HSF2: variants seen among roughly 807,000 people sequenced by gnomAD.
HSF2 encodes heat shock transcription factor 2, also known as heat shock factor protein 2.
In HSF2, 21 loss-of-function variants were observed where a neutral mutation model predicts 65.0. The ratio of observed to expected loss-of-function variants is 0.32; its 90% CI spans 0.23 to 0.47. The LOEUF is 0.47. Among genes scored for constraint, HSF2 ranks in the 20% least tolerant of loss-of-function variants. The pLI is 1.00. For synonymous variants in HSF2, 225 were observed against 219.1 expected, an observed-to-expected ratio of 1.03 and a Z score of -0.24; for missense variants, 499 against 628.1, an observed-to-expected ratio of 0.79 and a Z score of 2.20.
intron 1 of HSF2, among the ~76,000 whole-genome samples, chr6:122,402,817 GT>G (rs763356569): frequency 4.6e-5 from 7 of 152,122 alleles, no homozygotes; most frequent in Non-Finnish European, 1.0e-4. Flanking sequence ...CTCCCAAAGT[GT>G]TGAGATTACA....
chr6:122,403,148 C>G (rs1773779804), intron 1 of HSF2, among the ~76,000 whole-genome samples: 1 of 152,160 alleles, frequency 6.6e-6, no homozygotes, highest in Admixed American at 6.5e-5. Flanking sequence ...ACGTACATAA[C>G]TTTAATTTTC....
chr6:122,422,416 TA>T (rs2114447880), intron 8 of HSF2, 118 bp downstream of exon 8: 1 of 859,412 alleles, frequency 1.2e-6, no homozygotes, highest in East Asian at 2.4e-5. Context: ...TTTGGATTAT[TA>T]AACTTGATAA....
rs1774467750 is a variant in HSF2 at position 122,431,514 on chromosome 6, G to A, written c.1315G>A (p.Asp439Asn). 4 of 1,540,316 alleles carry A rather than the reference G, an allele frequency of 2.6e-6. No homozygotes were observed. In the East Asian group the frequency reaches 9.1e-5, roughly 35 times the overall value. ...EEGRKSKSKP[D>N]KQLIQYTAFP... ...GGGAAGAAAATCTAAATCCAAACCA[G>A]GTAGGTATAAATATAGTATTCAGTC... The change falls in exon 12 of 13, where the codon GAT becomes AAT. Residue 439 changes from aspartate to asparagine, a missense_variant and splice_region_variant. Coordinates refer to ENST00000368455, the MANE Select transcript of HSF2 (RefSeq NM_004506.4).
At position 122,420,228 on chromosome 6, in the gene HSF2, T is replaced by A; in HGVS notation, c.681+6T>A. The stretch of plus-strand genomic sequence containing the variant: ...CTGATAATCATCATCATAAAGTAAT[T>A]TTTTAGTTAGGGTCTATTTTATATT... On this transcript the variant is annotated splice_donor_region_variant and intron_variant, in intron 7 of 12. Coordinates refer to ENST00000368455, the MANE Select transcript of HSF2 (RefSeq NM_004506.4). 1.3e-6 allele frequency: 2 copies of A among 1,582,694 alleles called. No homozygotes were observed. Among genetic ancestry groups the A allele is most frequent in the Non-Finnish European group, 1.7e-6 (2 of 1,156,050 alleles).
chr6:122,431,432 T>C lies in HSF2; in HGVS notation c.1233T>C (p.Ser411=), dbSNP rs772580132. The change falls in exon 12 of 13, where the codon TCT becomes TCC. Residue 411 remains serine (S), a splice_region_variant and synonymous_variant. Coordinates refer to ENST00000368455, the MANE Select transcript of HSF2 (RefSeq NM_004506.4). ...NPTDYINNTK[S]ENKGLETTKN... ...ATATATATATTTTTTTCTTTTAGTC[T>C]GAGAATAAAGGATTAGAAACTACCA... 2 of 1,489,424 alleles carry C rather than the reference T, an allele frequency of 1.3e-6. No homozygotes were observed. The highest frequency in any genetic ancestry group is 2.1e-5 in the Admixed American group (1 of 48,022). 92.3% of individuals were successfully genotyped at this position (1,489,424 alleles called of 1,614,324 possible).
intron 10 of HSF2, among the ~76,000 whole-genome samples, 184 bp downstream of exon 10, chr6:122,423,870 A>G (rs2114449810): frequency 6.6e-6 from 1 of 152,240 alleles, no homozygotes; most frequent in East Asian, 1.9e-4. Flanking sequence ...GAGTATGATT[A>G]CCACCTGCCT....
chr6:122,416,433 A>G (rs993816166), intron 5 of HSF2, 137 bp downstream of exon 5: 3 of 500,612 alleles, frequency 6.0e-6, no homozygotes, highest in African/African-American at 5.9e-5. Flanking sequence ...GAAGTAAAAA[A>G]TGAAATGAAA....
Position 122,432,206 on chromosome 6 carries a change from C to G in HSF2, c.1597C>G (p.Leu533Val), listed in dbSNP as rs751696389. The G allele has an allele frequency of 1.2e-5, 19 of 1,610,476 alleles. No homozygotes were observed. In the Admixed American group the frequency reaches 3.2e-4, roughly 27 times the overall value. The change falls in exon 13 of 13, where the codon CTT (leucine) becomes GTT (valine). Residue 533 changes from leucine to valine, a missense_variant. By Grantham distance (32) the Leu-to-Val change is conservative (BLOSUM62 1). Transcript: ENST00000368455. ...TGCACCTCTGGATAGTGATATGCCACTTTTAGATAGCTAAATCCCCAGGAA... is the reference window on the plus strand; with the variant it reads ...TGCACCTCTGGATAGTGATATGCCAGTTTTAGATAGCTAAATCCCCAGGAA... The part of the protein sequence containing the change: ...APAPLDSDMP[L>V]LDS
chr6:122,428,069 C>T lies in HSF2; in HGVS notation c.1230+113C>T. On this transcript the variant is annotated intron_variant, in intron 11 of 12. Transcript: ENST00000368455. ...CCACAAAAAGCATTTTATATTCTTA[C>T]CCAGTATGTGTGATCAAGATAATAA... 5.0e-6 allele frequency: 3 copies of T among 601,270 alleles called. No individual in the cohort carries two copies. In the South Asian group the frequency reaches 7.4e-5, roughly 15 times the overall value. The allele number at this position is 601,270 out of a possible 1,614,324, so 37.2% of individuals were successfully genotyped here.
At chr6:122,431,552 T>A in intron 12 of HSF2, 38 bp downstream of exon 12, 1 of 1,183,842 alleles carries the variant, frequency 8.4e-7, no homozygotes, top group Non-Finnish European at 1.2e-6. Context: ...TGTAGGTTTT[T>A]TTAATCCTAT....
chr6:122,425,127 G>A (rs1774312791), intron 10 of HSF2, among the ~76,000 whole-genome samples: 1 of 151,878 alleles, frequency 6.6e-6, no homozygotes, highest in Non-Finnish European at 1.5e-5. Flanking sequence ...TTAGAGATCT[G>A]CTCCATCTTA....
intron 10 of HSF2, among the ~76,000 whole-genome samples, chr6:122,424,843 C>G (rs182272378): frequency 6.6e-6 from 1 of 151,942 alleles, no homozygotes; most frequent in Non-Finnish European, 1.5e-5. Context: ...TAATTCTGGC[C>G]ATGTTCAAAT....
chr6:122,432,897 T>C lies in HSF2; in HGVS notation c.*677T>C, dbSNP rs1257690666. 8 of 152,174 alleles carry C rather than the reference T, an allele frequency of 5.3e-5. No homozygotes were observed. Among genetic ancestry groups the C allele is most frequent in the Non-Finnish European group, 1.0e-4 (7 of 68,052 alleles). The allele number at this position is 152,174 out of a possible 1,614,324, so 9.4% of individuals were successfully genotyped here. Reference sequence around the variant, plus strand: ...TAGTTGGACTAGTTTTAAATAAAGGTTTTCCGGTTTGTGTTTTTTTGAACC... The same window carrying C: ...TAGTTGGACTAGTTTTAAATAAAGGCTTTCCGGTTTGTGTTTTTTTGAACC... On this transcript the variant is annotated 3_prime_UTR_variant, in exon 13 of 13. Transcript: ENST00000368455.
At chr6:122,412,262 C>G in intron 1 of HSF2, 111 bp from the exon 2 acceptor site, 1 of 671,788 alleles carries the variant, frequency 1.5e-6, no homozygotes, top group South Asian at 1.8e-5. Context: ...GGTCTGAAGA[C>G]ATCAAGGAGG....
intron 1 of HSF2, among the ~76,000 whole-genome samples, chr6:122,409,270 AT>A (rs1773935875): frequency 6.6e-6 from 1 of 151,942 alleles, no homozygotes; most frequent in Non-Finnish European, 1.5e-5. Flanking sequence ...TAAGGAGGAG[AT>A]TGTTAGTTGT....
At chr6:122,430,290 G>C (rs368695635) in intron 11 of HSF2, among the ~76,000 whole-genome samples, 73 of 152,210 alleles carry the variant, frequency 4.8e-4, no homozygotes, top group South Asian at 3.9e-3. Flanking sequence ...TAGTTTATTC[G>C]TGTAGAGGTG....
rs1562203178 is a variant in HSF2 at position 122,419,248 on chromosome 6, GTAT to G, written c.593+23_593+25del. The G allele has an allele frequency of 2.3e-6, 3 of 1,302,816 alleles. No individual in the cohort carries two copies. The highest frequency in any genetic ancestry group is 1.7e-5 in the Admixed American group (1 of 57,358). The allele number at this position is 1,302,816 out of a possible 1,614,324, so 80.7% of individuals were successfully genotyped here. On this transcript the variant is annotated intron_variant, in intron 6 of 12. Coordinates refer to ENST00000368455, the MANE Select transcript of HSF2 (RefSeq NM_004506.4). ...GTAAAAGGTAAGTTTTTATGATAAA[GTAT>G]TATGTCCTGTATATAGGCAGTCACA...
upstream of HSF2, chr6:122,399,615 G>C (rs939059574): frequency 4.0e-6 from 3 of 752,216 alleles, no homozygotes; most frequent in African/African-American, 1.8e-5. Flanking sequence ...GGGTTGGGGG[G>C]GCGGGGACCA....
At position 122,419,131 on chromosome 6, in the gene HSF2, A is replaced by G. The variant is rs776387421; in HGVS notation, c.532-37A>G. 5.2e-6 allele frequency: 5 copies of G among 952,650 alleles called. No individual in the cohort carries two copies. The South Asian group carries it at 7.0e-5, about 13-fold the overall frequency. The allele number at this position is 952,650 out of a possible 1,614,324, so 59.0% of individuals were successfully genotyped here. A position where few individuals can be genotyped will look rare whatever the true frequency, so the allele number is the denominator to read the frequency against. ...TGGTAATAGAGACAAAAGAATTAAC[A>G]GTATAATGAAATAATTTTTGTTTAT... On this transcript the variant is annotated intron_variant, in intron 5 of 12. Transcript: ENST00000368455.
Sources: allele counts gnomAD v4.1 joint callset (sites outside exome capture counted in the v4.1 genomes callset), GRCh38; gene constraint gnomAD v4.1.1; transcripts MANE v1.5; gene names NCBI Gene and HGNC (gene_info 2026-07-23, HGNC 2026-07-21).